Variants in MAP1B observed in about 807,000 individuals in gnomAD.
The protein encoded by MAP1B is microtubule-associated protein 1B.
Under a neutral mutation model 176.1 loss-of-function variants are expected in MAP1B, and 12 were observed. The ratio of observed to expected loss-of-function variants is 0.07; its 90% CI spans 0.04 to 0.11. The LOEUF (loss-of-function observed/expected upper bound fraction) is 0.11, where lower values mean the gene tolerates loss of function less well. Ranked by LOEUF, MAP1B falls within the 10% of genes least tolerant of loss-of-function variation. The pLI is 1.00. For missense variants in MAP1B, 2,523 were observed against 2,990.5 expected, an observed-to-expected ratio of 0.84 and a Z score of 3.65; for synonymous variants, 1,044 against 1,135.0, an observed-to-expected ratio of 0.92 and a Z score of 1.61.
chr5:72,166,283 C>T (rs80205494), intron 2 of MAP1B, among the ~76,000 whole-genome samples: 27 of 152,118 alleles, frequency 1.8e-4, no homozygotes, highest in Non-Finnish European at 3.8e-4. Context: ...ATTTCATGAT[C>T]GTCAACAGAA....
intron 2 of MAP1B, among the ~76,000 whole-genome samples, chr5:72,147,001 C>T (rs979247187): frequency 6.8e-5 from 10 of 147,000 alleles, no homozygotes; most frequent in Non-Finnish European, 1.0e-4. Context: ...TGTTCTGTGG[C>T]CCAGGCTGGA....
In MAP1B at chr5:72,198,284, C is replaced by T; in HGVS notation, c.4929C>T (p.Ser1643=). The stretch of plus-strand genomic sequence containing the variant: ...TTCAAGATCACAGATCTGAACAGTC[C>T]TCAATGTCTATTGAATTTGGCCAAG... ...TPVQDHRSEQ[S]SMSIEFGQES... is the part of the protein sequence containing the mutation. The change falls in exon 5 of 7, where the codon TCC becomes TCT. Residue 1643 remains serine (S), a synonymous_variant. Transcript: ENST00000296755. 1 of 1,614,202 alleles carries T rather than the reference C, an allele frequency of 6.2e-7. No homozygotes were observed. The highest frequency in any genetic ancestry group is 8.5e-7 in the Non-Finnish European group (1 of 1,180,032).
At chr5:72,117,726 C>T (rs913738207) in intron 2 of MAP1B, among the ~76,000 whole-genome samples, 2 of 152,230 alleles carry the variant, frequency 1.3e-5, no homozygotes, top group African/African-American at 4.8e-5. Flanking sequence ...CCTTTGGACA[C>T]ACAGCATCTT....
intron 2 of MAP1B, among the ~76,000 whole-genome samples, chr5:72,144,005 CTG>C (rs1444291037): frequency 6.6e-6 from 1 of 152,164 alleles, no homozygotes; most frequent in African/African-American, 2.4e-5. Flanking sequence ...CTGTTTGTCT[CTG>C]TGTTTTCTCT....
chr5:72,108,849 C>T (rs1213331480), intron 1 of MAP1B, among the ~76,000 whole-genome samples: 1 of 152,176 alleles, frequency 6.6e-6, no homozygotes, highest in African/African-American at 2.4e-5. Flanking sequence ...TCCCTTTATC[C>T]CTGGCGTCCC....
At chr5:72,140,633 G>A (rs1366911116) in intron 2 of MAP1B, among the ~76,000 whole-genome samples, 1 of 152,124 alleles carries the variant, frequency 6.6e-6, no homozygotes, top group East Asian at 1.9e-4. Flanking sequence ...ACAGAAACTG[G>A]GACAAAAATA....
In MAP1B at chr5:72,197,129, C is replaced by T. The variant is rs762135190; in HGVS notation, c.3774C>T (p.Ser1258=). ...SEKVSPSKSP[S]LSPSPPSPLE... is the part of the protein sequence containing the mutation. ...AGGTCAGCCCATCGAAGAGCCCGTC[C>T]CTGAGTCCATCTCCACCATCACCCT... The change falls in exon 5 of 7, where the codon TCC becomes TCT. Residue 1258 remains serine (S), a synonymous_variant. Coordinates refer to ENST00000296755, the MANE Select transcript of MAP1B (RefSeq NM_005909.5). 20 of 1,614,100 alleles carry T rather than the reference C, an allele frequency of 1.2e-5. No individual in the cohort carries two copies. Among genetic ancestry groups the T allele is most frequent in the Non-Finnish European group, 8.5e-7 (1 of 1,180,052 alleles).
chr5:72,131,003 A>G (rs1274638908), intron 2 of MAP1B, among the ~76,000 whole-genome samples: 1 of 152,194 alleles, frequency 6.6e-6, no homozygotes, highest in Non-Finnish European at 1.5e-5. Flanking sequence ...TCACAAATAT[A>G]TTGTTTGTCT....
intron 2 of MAP1B, among the ~76,000 whole-genome samples, chr5:72,152,350 T>C (rs986798867): frequency 2.0e-5 from 3 of 152,180 alleles, no homozygotes; most frequent in Non-Finnish European, 2.9e-5. Context: ...CCCCGTTCAC[T>C]CCCCTTCCTA....
At position 72,166,291 on chromosome 5, in the gene MAP1B, G is replaced by C. The variant is rs1450265337; in HGVS notation, c.287-17452G>C. On this transcript the variant is annotated intron_variant, in intron 2 of 6. Transcript: ENST00000296755. The stretch of plus-strand genomic sequence containing the variant: ...AGCACTGATTTCATGATCGTCAACA[G>C]AATCCAGGGAGGTAAGGGCAGTGTG... 2.6e-5 allele frequency among the ~76,000 whole-genome samples: 4 copies of C among 152,292 alleles called. No individual in the cohort carries two copies. In the East Asian group the frequency reaches 7.7e-4, roughly 29 times the overall value.
chr5:72,194,183 A>C lies in MAP1B; in HGVS notation c.828A>C (p.Ala276=). 3 of 1,614,180 alleles carry C rather than the reference A, an allele frequency of 1.9e-6. No individual in the cohort carries two copies. The highest frequency in any genetic ancestry group is 2.5e-6 in the Non-Finnish European group (3 of 1,180,032). The change falls in exon 5 of 7, where the codon GCA becomes GCC. Residue 276 remains alanine, a synonymous_variant. Coordinates refer to ENST00000296755, the MANE Select transcript of MAP1B (RefSeq NM_005909.5). The surrounding 1 kb of genome is among the most constrained non-coding windows in gnomAD (Gnocchi z 7.2). ...PGGRGDSALF[A]VNGFNMLING... ...GGAGGGGCGATTCTGCCTTGTTTGCAGTGAATGGTTTCAATATGCTCATCA... is the reference window on the plus strand; with the variant it reads ...GGAGGGGCGATTCTGCCTTGTTTGCCGTGAATGGTTTCAATATGCTCATCA...
In MAP1B at chr5:72,195,959, G is replaced by A; in HGVS notation, c.2604G>A (p.Lys868=). ...LELIEDEEKL[K]ETEPVEAYVI... ...TAATCGAAGACGAAGAGAAACTGAA[G>A]GAAACTGAGCCAGTCGAAGCCTACG... The change falls in exon 5 of 7, where the codon AAG becomes AAA. Residue 868 remains lysine, a synonymous_variant. Coordinates refer to ENST00000296755, the MANE Select transcript of MAP1B (RefSeq NM_005909.5). 1 of 1,614,218 alleles carries A rather than the reference G, an allele frequency of 6.2e-7. No individual in the cohort carries two copies. The highest frequency in any genetic ancestry group is 1.7e-5 in the Admixed American group (1 of 60,030).
intron 4 of MAP1B, chr5:72,193,350 T>C: frequency 2.6e-6 from 1 of 383,968 alleles, no homozygotes; most frequent in Non-Finnish European, 5.1e-6. Flanking sequence ...GCCTTTTTTT[T>C]TTTTTTTTTT....
intron 2 of MAP1B, among the ~76,000 whole-genome samples, chr5:72,166,223 C>T (rs1170250741): frequency 6.6e-6 from 1 of 152,154 alleles, no homozygotes; most frequent in Non-Finnish European, 1.5e-5. Flanking sequence ...ACATTTTCTC[C>T]TAGAGTAATA....
At position 72,197,573 on chromosome 5, in the gene MAP1B, C is replaced by T. The variant is rs374277210; in HGVS notation, c.4218C>T (p.Ser1406=). The T allele has an allele frequency of 4.8e-5, 77 of 1,614,124 alleles. No individual in the cohort carries two copies. Among genetic ancestry groups the T allele is most frequent in the Non-Finnish European group, 6.0e-5 (71 of 1,180,024 alleles). ...TACGCAGCCCGCCCCTCATTGGATC[C>T]GAGTCTGCTTATGAAAGTTTTCTAA... is the stretch of plus-strand genomic sequence containing the variant. ...SPLRSPPLIG[S]ESAYESFLSA... is the part of the protein sequence containing the mutation. The change falls in exon 5 of 7, where the codon TCC becomes TCT. Residue 1406 remains serine, a synonymous_variant. Transcript: ENST00000296755.
In MAP1B at chr5:72,178,388, G is replaced by A. The variant is rs371069243; in HGVS notation, c.287-5355G>A. Among the ~76,000 whole-genome samples, 338 of 152,284 alleles carry A rather than the reference G, an allele frequency of 2.2e-3. 2 individuals carry two copies. The highest frequency in any genetic ancestry group is 7.7e-3 in the African/African-American group (320 of 41,560). On this transcript the variant is annotated intron_variant, in intron 2 of 6. Coordinates refer to ENST00000296755, the MANE Select transcript of MAP1B (RefSeq NM_005909.5). ...CTTTACTTTTAGCTAAATCAACCCA[G>A]TCCTTTTTTATCTCACACATTTTTC... is the stretch of plus-strand genomic sequence containing the variant.
In MAP1B at chr5:72,176,758, C is replaced by T. The variant is rs150288105; in HGVS notation, c.287-6985C>T. On this transcript the variant is annotated intron_variant, in intron 2 of 6. Transcript: ENST00000296755. ...TGTGTGCATGACCTTAAAACCAGCA[C>T]GCACATTGAATTATGCTTTTGCCAC... is the stretch of plus-strand genomic sequence containing the variant. Among the ~76,000 whole-genome samples the T allele has an allele frequency of 5.9e-5, 9 of 152,316 alleles. No individual in the cohort carries two copies. The East Asian group carries it at 1.2e-3, about 20-fold the overall frequency.
Position 72,196,372 on chromosome 5 carries a change from AGGCC to A in MAP1B, c.3018_3021del (p.Ala1007LeufsTer38). The A allele has an allele frequency of 6.2e-7, 1 of 1,614,098 alleles. No homozygotes were observed. Among genetic ancestry groups the A allele is most frequent in the Non-Finnish European group, 8.5e-7 (1 of 1,180,028 alleles). On this transcript the variant is annotated frameshift_variant, in exon 5 of 7. Coordinates refer to ENST00000296755, the MANE Select transcript of MAP1B (RefSeq NM_005909.5). LOFTEE classifies it high-confidence loss of function. This position sits in a 1 kb window ranked among gnomAD's most constrained non-coding sequence, Gnocchi z 5.3. ...GACCGAGCCGAAGAAGACATGGATG[AGGCC>A]ATTGAGAAAGGAGAGGCTGAACAAT...
At position 72,198,420 on chromosome 5, in the gene MAP1B, T is replaced by A; in HGVS notation, c.5065T>A (p.Tyr1689Asn). ...TGAAAATGGGCCAACTGAAGTGGAC[T>A]ACAGTCCTTCTGACATGCAGGACTC... Reference protein sequence around the residue: ...ITENGPTEVDYSPSDMQDSSL... With the variant: ...ITENGPTEVDNSPSDMQDSSL... The change falls in exon 5 of 7, where the codon TAC becomes AAC. Residue 1689 changes from tyrosine (Y) to asparagine (N), a missense_variant. Physicochemically the swap from Tyr to Asn is moderately radical, Grantham distance 143 (BLOSUM62 -2). Coordinates refer to ENST00000296755, the MANE Select transcript of MAP1B (RefSeq NM_005909.5). The A allele has an allele frequency of 6.2e-7, 1 of 1,614,102 alleles. No homozygotes were observed. Among genetic ancestry groups the A allele is most frequent in the Non-Finnish European group, 8.5e-7 (1 of 1,180,030 alleles).
Sources: gnomAD v4.1 joint callset for allele counts (sites outside exome capture counted in the v4.1 genomes callset) on GRCh38, gnomAD v4.1.1 for gene constraint, Gnocchi (gnomAD v3.1) non-coding constraint, MANE v1.5 for transcripts, NCBI Gene and HGNC (gene_info 2026-07-23, HGNC 2026-07-21) for gene names.